Variants in SLC11A2 observed in about 807,000 individuals in gnomAD.
SLC11A2 encodes natural resistance-associated macrophage protein 2.
In SLC11A2, 38 loss-of-function variants were observed where a neutral mutation model predicts 68.0. The ratio of observed to expected loss-of-function variants is 0.56; its 90% CI spans 0.43 to 0.73. The LOEUF is 0.73. SLC11A2 is among the 30% of genes least tolerant of loss of function. The probability of loss-of-function intolerance (pLI) is 0.00; values close to 1 mark genes in which losing one functional copy is unlikely to be tolerated. For synonymous variants in SLC11A2, 242 were observed against 250.6 expected (o/e 0.97, Z 0.32); for missense variants, 517 against 690.5 (o/e 0.75, Z 2.82).
Position 50,995,715 on chromosome 12 carries a change from T to A in SLC11A2, c.904A>T (p.Ile302Phe). Residue 302 changes from isoleucine to phenylalanine, a missense_variant, in exon 10 of 16, where the codon ATT becomes TTT. Ile to Phe is a conservative substitution (Grantham distance 21, BLOSUM62 0). Transcript: ENST00000262052. ...ANKYFFIESCIALFVSFIINV... is the reference protein window; with the variant it reads ...ANKYFFIESCFALFVSFIINV... Reference sequence around the variant, plus strand: ...ATGATGAAGGAAACAAAGAGTGCAATGCAGGATTCAATGAAAAAGTACTTA... The same window carrying A: ...ATGATGAAGGAAACAAAGAGTGCAAAGCAGGATTCAATGAAAAAGTACTTA... 1 of 1,614,060 alleles carries A rather than the reference T, an allele frequency of 6.2e-7. No homozygotes were observed. The highest frequency in any genetic ancestry group is 1.1e-5 in the South Asian group (1 of 91,086).
chr12:51,002,714 G>T (rs1418831867), intron 5 of SLC11A2, among the ~76,000 whole-genome samples: 4 of 151,166 alleles, frequency 2.6e-5, no homozygotes, highest in Non-Finnish European at 4.4e-5. Flanking sequence ...GGCCAAGGCG[G>T]GCAGATCACG....
downstream of SLC11A2, among the ~76,000 whole-genome samples, chr12:50,976,770 C>T (rs1292162960): frequency 6.6e-6 from 1 of 151,790 alleles, no homozygotes; most frequent in Non-Finnish European, 1.5e-5. Flanking sequence ...CCCAGAATCT[C>T]AAGGTGATAA....
the SLC11A2 span, among the ~76,000 whole-genome samples, chr12:50,961,718 T>A: frequency 2.0e-5 from 3 of 152,312 alleles, no homozygotes; most frequent in East Asian, 3.9e-4. Context: ...AGGACCTAAA[T>A]TAATCTAAAT....
chr12:51,005,712 C>A (rs777155687), intron 3 of SLC11A2: 1 of 1,305,302 alleles, frequency 7.7e-7, no homozygotes, highest in Non-Finnish European at 1.0e-6. Context: ...TACCTCTGTG[C>A]CCAAACACTT....
chr12:50,957,594 CAT>C, the SLC11A2 span, among the ~76,000 whole-genome samples: 1 of 151,256 alleles, frequency 6.6e-6, no homozygotes, highest in South Asian at 2.1e-4. Flanking sequence ...AAACTAAAAA[CAT>C]AATACCAACC....
chr12:50,974,767 T>G (rs138328676), downstream of SLC11A2, among the ~76,000 whole-genome samples: 656 of 152,216 alleles, frequency 4.3e-3, 3 homozygotes, highest in African/African-American at 0.015. Context: ...GAGACACACA[T>G]AGGCTCAAAA....
At chr12:50,957,616 G>A in the SLC11A2 span, among the ~76,000 whole-genome samples, 1 of 151,928 alleles carries the variant, frequency 6.6e-6, no homozygotes, top group East Asian at 2.0e-4. Flanking sequence ...CAGGCATGGT[G>A]GCTCACGCCT....
chr12:51,003,307 G>C (rs544438999), intron 5 of SLC11A2, among the ~76,000 whole-genome samples: 9 of 151,804 alleles, frequency 5.9e-5, no homozygotes, highest in African/African-American at 1.9e-4. Flanking sequence ...GGAGGCGAAG[G>C]CTGGCAGATC....
intron 5 of SLC11A2, among the ~76,000 whole-genome samples, chr12:51,002,184 C>T (rs1942307315): frequency 6.6e-6 from 1 of 152,026 alleles, no homozygotes; most frequent in Non-Finnish European, 1.5e-5. Context: ...CCTGTCTCTA[C>T]AAAAAATTTT....
Position 50,986,686 on chromosome 12 carries a change from G to A in SLC11A2, c.*1639C>T, listed in dbSNP as rs1565978549. ...TATGACCAGTTTGGAGAATTACGAT[G>A]GTAAGGGGAAGAGGCAGATATGAAG... On this transcript the variant is annotated 3_prime_UTR_variant, in exon 16 of 16. Coordinates refer to ENST00000262052, the MANE Select transcript of SLC11A2 (RefSeq NM_000617.3). The A allele has an allele frequency of 7.8e-7, 1 of 1,286,632 alleles. No homozygotes were observed. The allele number at this position is 1,286,632 out of a possible 1,614,324, so 79.7% of individuals were successfully genotyped here. A position where few individuals can be genotyped will look rare whatever the true frequency, so the allele number is the denominator to read the frequency against.
intron 1 of SLC11A2, among the ~76,000 whole-genome samples, chr12:51,023,816 A>G (rs1944201344): frequency 6.6e-6 from 1 of 151,996 alleles, no homozygotes; most frequent in Non-Finnish European, 1.5e-5. Flanking sequence ...ACCTAGTAAG[A>G]CTCCATCTCC....
At chr12:50,967,052 T>C in the SLC11A2 span, among the ~76,000 whole-genome samples, 1 of 151,476 alleles carries the variant, frequency 6.6e-6, no homozygotes, top group Non-Finnish European at 1.5e-5. Context: ...AGGCAGAGGT[T>C]GCAGTAGGCC....
intron 5 of SLC11A2, among the ~76,000 whole-genome samples, chr12:51,002,441 T>A (rs965594516): frequency 6.6e-6 from 1 of 150,944 alleles, no homozygotes; most frequent in African/African-American, 2.4e-5. Context: ...GAGTTTGAGA[T>A]CAGCCTGGCC....
chr12:50,975,270 C>T (rs1939833781), downstream of SLC11A2, among the ~76,000 whole-genome samples: 1 of 152,132 alleles, frequency 6.6e-6, no homozygotes, highest in Admixed American at 6.5e-5. Flanking sequence ...TGTAAAAGAA[C>T]AGAAATTATA....
At chr12:50,964,602 C>T in the SLC11A2 span, among the ~76,000 whole-genome samples, 1 of 152,116 alleles carries the variant, frequency 6.6e-6, no homozygotes, top group Non-Finnish European at 1.5e-5. Context: ...GTTCACACAG[C>T]CCTGATATTA....
At chr12:50,979,864 G>A (rs994895728), downstream of SLC11A2, 3 of 453,978 alleles carry the variant, frequency 6.6e-6, no homozygotes, top group Non-Finnish European at 1.3e-5. Context: ...GCTGAAAGGG[G>A]AAAGTGATGC....
intron 1 of SLC11A2, chr12:51,025,844 G>C: frequency 2.0e-6 from 2 of 988,516 alleles, no homozygotes; most frequent in Non-Finnish European, 2.4e-6. Context: ...GTTATAATGA[G>C]TCTTTTGTTG....
At chr12:50,995,885 A>T (rs1237199691) in intron 9 of SLC11A2, 98 bp from the exon 10 acceptor site, 17 of 1,150,846 alleles carry the variant, frequency 1.5e-5, no homozygotes, top group Non-Finnish European at 2.1e-5. Context: ...TTTAGGGGAC[A>T]AAAGTTGACC....
At chr12:50,997,143 T>C (rs754876268) in intron 8 of SLC11A2, among the ~76,000 whole-genome samples, 171 bp from the exon 9 acceptor site, 2 of 152,154 alleles carry the variant, frequency 1.3e-5, no homozygotes, top group Non-Finnish European at 2.9e-5. Flanking sequence ...AGTGGCATGA[T>C]CACAGCTCAC....
Sources: allele counts gnomAD v4.1 joint callset (sites outside exome capture counted in the v4.1 genomes callset), GRCh38; gene constraint gnomAD v4.1.1; transcripts MANE v1.5; gene names NCBI Gene and HGNC (gene_info 2026-07-23, HGNC 2026-07-21).